The following NPAS3 variants were observed in gnomAD, a reference collection of about 807,000 sequenced individuals.
NPAS3 encodes neuronal PAS domain protein 3.
In NPAS3, 14 loss-of-function variants were observed where a neutral mutation model predicts 73.1. The observed-to-expected ratio is 0.19, with a 90% CI of 0.13 to 0.30. NPAS3 has a LOEUF of 0.30. Ranked by LOEUF, NPAS3 falls within the 10% of genes least tolerant of loss-of-function variation. NPAS3 has a pLI of 1.00. For synonymous variants in NPAS3, 620 were observed against 541.5 expected (o/e 1.14, Z -2.01); for missense variants, 1,096 against 1,250.0 (o/e 0.88, Z 1.86).
chr14:33,593,126 C>A (rs1015672118), intron 5 of NPAS3, among the ~76,000 whole-genome samples: 2 of 152,022 alleles, frequency 1.3e-5, no homozygotes, highest in Non-Finnish European at 2.9e-5. Flanking sequence ...AATAGCAGCA[C>A]CTATCGTTTA....
intron 4 of NPAS3, among the ~76,000 whole-genome samples, chr14:33,543,977 A>ATC (rs1408848462): frequency 1.4e-3 from 51 of 35,730 alleles, no homozygotes; most frequent in East Asian, 5.3e-3. Flanking sequence ...ATATATATAT[A>ATC]TATATATATA....
chr14:33,126,956 C>T lies in NPAS3; in HGVS notation c.140+70962C>T, dbSNP rs141550260. 3.3e-5 allele frequency among the ~76,000 whole-genome samples: 5 copies of T among 152,228 alleles called. No homozygotes were observed. In the East Asian group the frequency reaches 9.7e-4, roughly 30 times the overall value. Reference sequence around the variant, plus strand: ...TAAGAAATAAAATATATATCTCTCACTTCACCGCTCAATTTAAAAAACTAG... The same window carrying T: ...TAAGAAATAAAATATATATCTCTCATTTCACCGCTCAATTTAAAAAACTAG... On this transcript the variant is annotated intron_variant, in intron 2 of 11. Coordinates refer to ENST00000356141, the Ensembl canonical transcript of NPAS3.
chr14:33,159,040 G>A (rs2044751469), intron 2 of NPAS3, among the ~76,000 whole-genome samples: 1 of 152,058 alleles, frequency 6.6e-6, no homozygotes, highest in African/African-American at 2.4e-5. Context: ...GCGCATGCCT[G>A]TAATCCCAAC....
At chr14:33,212,630 T>C (rs2047080832) in intron 2 of NPAS3, among the ~76,000 whole-genome samples, 1 of 152,200 alleles carries the variant, frequency 6.6e-6, no homozygotes, top group African/African-American at 2.4e-5. Context: ...TTATAGCCTA[T>C]TGAGTTGATC....
chr14:33,399,459 A>G (rs377046352), intron 4 of NPAS3, among the ~76,000 whole-genome samples: 1 of 152,084 alleles, frequency 6.6e-6, no homozygotes, highest in African/African-American at 2.4e-5. Flanking sequence ...AAACTTTCAA[A>G]GAGACATATG....
At chr14:33,401,409 G>T (rs538907862) in intron 4 of NPAS3, among the ~76,000 whole-genome samples, 1 of 152,214 alleles carries the variant, frequency 6.6e-6, no homozygotes, top group South Asian at 2.1e-4. Flanking sequence ...TTGTATTGGC[G>T]TAGGGAAGTG....
At chr14:33,503,506 C>T (rs968647628) in intron 4 of NPAS3, among the ~76,000 whole-genome samples, 2 of 151,850 alleles carry the variant, frequency 1.3e-5, no homozygotes, top group African/African-American at 2.4e-5. Flanking sequence ...GATTCCACAG[C>T]GCCAGTGTGC....
chr14:32,996,790 A>G (rs558472182), intron 1 of NPAS3, among the ~76,000 whole-genome samples: 3 of 152,324 alleles, frequency 2.0e-5, no homozygotes, highest in Non-Finnish European at 4.4e-5. Flanking sequence ...GTTCTCATGG[A>G]GAACCTCTGC....
chr14:33,130,064 C>G (rs1323769833), intron 2 of NPAS3, among the ~76,000 whole-genome samples: 1 of 152,078 alleles, frequency 6.6e-6, no homozygotes, highest in East Asian at 1.9e-4. Context: ...GTTTGCTAAG[C>G]AGTCTGTATG....
At chr14:33,180,650 T>G (rs2139436112) in intron 2 of NPAS3, among the ~76,000 whole-genome samples, 1 of 151,650 alleles carries the variant, frequency 6.6e-6, no homozygotes, top group Non-Finnish European at 1.5e-5. Flanking sequence ...ATACAAAAAA[T>G]TAGCTGGGCG....
intron 2 of NPAS3, among the ~76,000 whole-genome samples, chr14:33,083,069 A>G (rs4267220): frequency 0.44 from 66,743 of 150,840 alleles, 16,508 homozygotes; most frequent in African/African-American, 0.68. Context: ...TGTAGTCCCA[A>G]CTACTTGGGA....
At chr14:33,054,119 C>T (rs2138518630) in intron 1 of NPAS3, among the ~76,000 whole-genome samples, 1 of 152,242 alleles carries the variant, frequency 6.6e-6, no homozygotes, top group East Asian at 1.9e-4. Context: ...AACTTAATGG[C>T]CAAAATTAAT....
chr14:33,435,754 C>T (rs2139198070), intron 4 of NPAS3, among the ~76,000 whole-genome samples: 1 of 152,192 alleles, frequency 6.6e-6, no homozygotes, highest in Admixed American at 6.5e-5. Flanking sequence ...CCTATCTGCC[C>T]CCCTATGTCC....
intron 5 of NPAS3, among the ~76,000 whole-genome samples, chr14:33,565,136 T>C (rs2055863508): frequency 6.6e-6 from 1 of 152,230 alleles, no homozygotes; most frequent in African/African-American, 2.4e-5. Flanking sequence ...TAAGAGTTAA[T>C]AGAGGTGAAG....
intron 2 of NPAS3, among the ~76,000 whole-genome samples, chr14:33,096,715 T>C (rs1402922404): frequency 6.6e-6 from 1 of 152,216 alleles, no homozygotes; most frequent in Non-Finnish European, 1.5e-5. Flanking sequence ...ATAAGCAGTT[T>C]CTGAGATGAA....
intron 5 of NPAS3, among the ~76,000 whole-genome samples, chr14:33,563,761 A>C (rs1042114435): frequency 6.6e-6 from 1 of 152,110 alleles, no homozygotes; most frequent in African/African-American, 2.4e-5. Context: ...ATACCTGATG[A>C]TGGCATTCAG....
chr14:33,484,544 A>ATAGTGT (rs1478324476), intron 4 of NPAS3, among the ~76,000 whole-genome samples: 1 of 152,218 alleles, frequency 6.6e-6, no homozygotes, highest in Non-Finnish European at 1.5e-5. Context: ...TAACACAGGC[A>ATAGTGT]TAGTGGTTCC....
intron 5 of NPAS3, among the ~76,000 whole-genome samples, chr14:33,565,217 C>T (rs758334382): frequency 2.0e-5 from 3 of 152,170 alleles, no homozygotes; most frequent in Admixed American, 6.5e-5. Flanking sequence ...TTGCCATAAA[C>T]TCCTTTCCTT....
At chr14:33,578,162 T>C (rs1440453639) in intron 5 of NPAS3, 1 of 455,904 alleles carries the variant, frequency 2.2e-6, no homozygotes, top group Non-Finnish European at 4.4e-6. Context: ...TCCTTCTCTC[T>C]TCAGAAGCCA....
Sources: gnomAD v4.1 joint callset for allele counts (sites outside exome capture counted in the v4.1 genomes callset) on GRCh38, gnomAD v4.1.1 for gene constraint, MANE v1.5 for transcripts, NCBI Gene and HGNC (gene_info 2026-07-23, HGNC 2026-07-21) for gene names.